The following KCNIP4 variants were observed in gnomAD, a reference collection of about 807,000 sequenced individuals.
The protein encoded by KCNIP4 is Kv channel-interacting protein 4.
Under a neutral mutation model 34.0 loss-of-function variants are expected in KCNIP4, and 12 were observed. The observed-to-expected ratio is 0.35, with a 90% CI of 0.23 to 0.57. The LOEUF is 0.57. Among genes scored for constraint, KCNIP4 ranks in the 20% least tolerant of loss-of-function variants. The probability of loss-of-function intolerance (pLI) is 0.83; values close to 1 mark genes in which losing one functional copy is unlikely to be tolerated. For synonymous variants in KCNIP4, 124 were observed against 102.2 expected (o/e 1.21, Z -1.29); for missense variants, 238 against 311.7 (o/e 0.76, Z 1.78).
At chr4:20,906,866 A>G (rs1727823249) in intron 1 of KCNIP4, among the ~76,000 whole-genome samples, 1 of 152,372 alleles carries the variant, frequency 6.6e-6, no homozygotes, top group Middle Eastern at 3.4e-3. Flanking sequence ...GTATCTGGGA[A>G]GAATGAGGAA....
intron 8 of KCNIP4, among the ~76,000 whole-genome samples, chr4:20,730,432 A>ACAGAGGTG (rs971681978): frequency 9.9e-5 from 15 of 152,048 alleles, no homozygotes; most frequent in African/African-American, 3.4e-4. Flanking sequence ...AATGGAAACT[A>ACAGAGGTG]CAGAGGTGCA....
intron 1 of KCNIP4, among the ~76,000 whole-genome samples, chr4:21,754,156 G>A (rs1490648425): frequency 5.3e-5 from 8 of 152,034 alleles, no homozygotes; most frequent in South Asian, 2.1e-4. Context: ...TTTCTGTGTC[G>A]TTTTTTTCTT....
chr4:21,192,996 C>T (rs1009347917), intron 1 of KCNIP4, among the ~76,000 whole-genome samples: 2 of 149,390 alleles, frequency 1.3e-5, no homozygotes, highest in East Asian at 2.0e-4. Flanking sequence ...ACATGCCTGT[C>T]GTTCCAGCTA....
chr4:21,782,396 A>T (rs1719629018), intron 1 of KCNIP4, among the ~76,000 whole-genome samples: 1 of 152,196 alleles, frequency 6.6e-6, no homozygotes. Context: ...TCATCTTTAC[A>T]TCAAAACCTG....
chr4:21,446,101 G>A (rs1356256296), intron 1 of KCNIP4, among the ~76,000 whole-genome samples: 4 of 152,066 alleles, frequency 2.6e-5, no homozygotes, highest in South Asian at 2.1e-4. Context: ...TTAGAATGGC[G>A]ATCATTAAAA....
chr4:21,782,417 G>A (rs889136170), intron 1 of KCNIP4, among the ~76,000 whole-genome samples: 27 of 152,176 alleles, frequency 1.8e-4, no homozygotes, highest in Admixed American at 1.8e-3. Context: ...TACACAGCTG[G>A]ATGTGGTGAT....
chr4:21,448,361 C>G (rs1481346469), intron 1 of KCNIP4, among the ~76,000 whole-genome samples: 1 of 151,904 alleles, frequency 6.6e-6, no homozygotes, highest in African/African-American at 2.4e-5. Context: ...AAATGAGAAA[C>G]ATGTTACTGG....
chr4:21,196,520 G>A (rs1756067522), intron 1 of KCNIP4, among the ~76,000 whole-genome samples: 1 of 152,038 alleles, frequency 6.6e-6, no homozygotes, highest in Non-Finnish European at 1.5e-5. Flanking sequence ...TTACTTTCGA[G>A]GATATCTTCA....
chr4:20,868,315 G>C (rs1723075271), intron 2 of KCNIP4, among the ~76,000 whole-genome samples: 1 of 152,104 alleles, frequency 6.6e-6, no homozygotes, highest in South Asian at 2.1e-4. Flanking sequence ...ATACCAGTCA[G>C]AATGGCTATT....
At chr4:21,563,185 A>T (rs1404522529) in intron 1 of KCNIP4, among the ~76,000 whole-genome samples, 2 of 152,060 alleles carry the variant, frequency 1.3e-5, no homozygotes, top group Non-Finnish European at 2.9e-5. Flanking sequence ...GGTATTTCCC[A>T]CAAGCACATT....
At chr4:21,661,947 G>A (rs556257304) in intron 1 of KCNIP4, among the ~76,000 whole-genome samples, 5 of 152,050 alleles carry the variant, frequency 3.3e-5, no homozygotes, top group African/African-American at 4.8e-5. Context: ...CAGTTTTCTC[G>A]CTGTAAGAGA....
intron 1 of KCNIP4, among the ~76,000 whole-genome samples, chr4:21,733,955 ACCTTGCAGAG>A (rs1715800383): frequency 6.6e-6 from 1 of 152,202 alleles, no homozygotes; most frequent in African/African-American, 2.4e-5. Flanking sequence ...TCAGGAAAAG[ACCTTGCAGAG>A]GTCTCTGCTT....
At chr4:21,845,631 T>C (rs962086712) in intron 1 of KCNIP4, 3 of 152,064 alleles carry the variant, frequency 2.0e-5, no homozygotes, top group Non-Finnish European at 4.4e-5. Flanking sequence ...TTCTTAGTAA[T>C]AAAATTTACT....
At chr4:21,316,461 T>C (rs958838053) in intron 1 of KCNIP4, 1 of 152,184 alleles carries the variant, frequency 6.6e-6, no homozygotes, top group South Asian at 2.1e-4. Flanking sequence ...AATTCAACCA[T>C]TAAAGATTTA....
At chr4:21,028,147 C>T (rs1740707016) in intron 1 of KCNIP4, among the ~76,000 whole-genome samples, 1 of 152,070 alleles carries the variant, frequency 6.6e-6, no homozygotes, top group South Asian at 2.1e-4. Flanking sequence ...AGAACATATC[C>T]AGAACCTCAC....
At chr4:21,265,941 T>C (rs1481728959) in intron 1 of KCNIP4, among the ~76,000 whole-genome samples, 2 of 152,276 alleles carry the variant, frequency 1.3e-5, no homozygotes, top group Non-Finnish European at 2.9e-5. Flanking sequence ...ATAATAATGA[T>C]TGTTACAATT....
intron 1 of KCNIP4, among the ~76,000 whole-genome samples, chr4:21,386,323 T>C (rs1722031442): frequency 6.6e-6 from 1 of 152,150 alleles, no homozygotes; most frequent in Non-Finnish European, 1.5e-5. Context: ...TTTTACTGTT[T>C]ATGGTGCCAG....
intron 1 of KCNIP4, among the ~76,000 whole-genome samples, chr4:21,225,623 T>C (rs1280616628): frequency 6.6e-6 from 1 of 152,180 alleles, no homozygotes; most frequent in Non-Finnish European, 1.5e-5. Context: ...ATTACAATGA[T>C]GACACTCCTC....
At chr4:21,737,158 C>T (rs1462103545) in intron 1 of KCNIP4, among the ~76,000 whole-genome samples, 3 of 152,138 alleles carry the variant, frequency 2.0e-5, no homozygotes, top group African/African-American at 7.2e-5. Flanking sequence ...GGTCTTCTCA[C>T]CCTCGGGTGT....
Sources: gnomAD v4.1 joint callset for allele counts (sites outside exome capture counted in the v4.1 genomes callset) on GRCh38, gnomAD v4.1.1 for gene constraint, MANE v1.5 for transcripts, NCBI Gene and HGNC (gene_info 2026-07-23, HGNC 2026-07-21) for gene names.